The following BFSP1 variants were observed in gnomAD, a reference collection of about 807,000 sequenced individuals.
BFSP1 encodes the protein filensin.
A neutral mutation model predicts 43.9 loss-of-function variants in BFSP1; 38 were observed. The ratio of observed to expected loss-of-function variants is 0.87; its 90% CI spans 0.67 to 1.14. The LOEUF (loss-of-function observed/expected upper bound fraction) is 1.14. Among genes scored for constraint, BFSP1 ranks in the 50% most tolerant of loss-of-function variants. BFSP1 has a pLI of 0.00. For missense variants in BFSP1, 850 were observed against 875.1 expected (o/e 0.97, Z 0.36); for synonymous variants, 352 against 354.8 (o/e 0.99, Z 0.09).
chr20:17,519,177 A>T (rs1433929879), intron 2 of BFSP1, among the ~76,000 whole-genome samples: 1 of 152,242 alleles, frequency 6.6e-6, no homozygotes, highest in African/African-American at 2.4e-5. Flanking sequence ...GACTGGAAAC[A>T]GGGCTTCAAG....
chr20:17,497,414 C>T (rs1224816694), intron 6 of BFSP1, among the ~76,000 whole-genome samples: 2 of 148,394 alleles, frequency 1.3e-5, no homozygotes, highest in Non-Finnish European at 3.0e-5. Context: ...AGTATGATAT[C>T]TCCAACTTAA....
chr20:17,528,300 G>A (rs957517026), intron 1 of BFSP1, among the ~76,000 whole-genome samples: 2 of 152,184 alleles, frequency 1.3e-5, no homozygotes, highest in African/African-American at 4.8e-5. Context: ...TTCATGATGG[G>A]CATATAACTC....
At chr20:17,528,936 C>A (rs942377611) in intron 1 of BFSP1, among the ~76,000 whole-genome samples, 2 of 152,190 alleles carry the variant, frequency 1.3e-5, no homozygotes, top group African/African-American at 4.8e-5. Context: ...CTGGAATGAC[C>A]AGTGGCACTC....
chr20:17,532,682 T>C (rs1410139319), upstream of BFSP1, among the ~76,000 whole-genome samples: 1 of 151,632 alleles, frequency 6.6e-6, no homozygotes, highest in African/African-American at 2.4e-5. Flanking sequence ...AATATATATA[T>C]ATAATTAATA....
chr20:17,503,027 T>A (rs1815607212), intron 5 of BFSP1, among the ~76,000 whole-genome samples: 1 of 152,168 alleles, frequency 6.6e-6, no homozygotes, highest in African/African-American at 2.4e-5. Context: ...CTATTCTCAC[T>A]TTTAATTTTT....
intron 1 of BFSP1, chr20:17,558,666 T>C: frequency 6.4e-7 from 1 of 1,550,838 alleles, no homozygotes; most frequent in Non-Finnish European, 8.7e-7. Context: ...ATCCAACACT[T>C]GCCGTTTATC....
intron 1 of BFSP1, among the ~76,000 whole-genome samples, chr20:17,553,317 G>A (rs976204906): frequency 9.2e-5 from 14 of 152,048 alleles, no homozygotes; most frequent in African/African-American, 3.4e-4. Flanking sequence ...AAACTATGAG[G>A]ATGAAATGCC....
intron 5 of BFSP1, among the ~76,000 whole-genome samples, chr20:17,502,341 C>A (rs976540036): frequency 6.6e-6 from 1 of 152,228 alleles, no homozygotes; most frequent in African/African-American, 2.4e-5. Flanking sequence ...GAACCTCCAT[C>A]TAATCCTGAG....
At chr20:17,497,529 C>T (rs997075023) in intron 6 of BFSP1, among the ~76,000 whole-genome samples, 5 of 140,526 alleles carry the variant, frequency 3.6e-5, no homozygotes, top group Non-Finnish European at 7.6e-5. Context: ...TATACACACA[C>T]GTATGTATAT....
chr20:17,510,836 C>T (rs553000889), intron 4 of BFSP1, among the ~76,000 whole-genome samples: 2 of 152,306 alleles, frequency 1.3e-5, no homozygotes, highest in Admixed American at 6.5e-5. Flanking sequence ...CTAGGTCATC[C>T]TTGCAAAAAG....
intron 6 of BFSP1, among the ~76,000 whole-genome samples, chr20:17,497,780 G>A (rs2033691172): frequency 1.3e-5 from 2 of 151,942 alleles, no homozygotes; most frequent in African/African-American, 4.8e-5. Flanking sequence ...GTATTCAGGA[G>A]TTCCTTGTTC....
chr20:17,505,599 G>A (rs1048110814), intron 5 of BFSP1, among the ~76,000 whole-genome samples: 6 of 152,236 alleles, frequency 3.9e-5, no homozygotes, highest in African/African-American at 1.4e-4. Context: ...CTCTAGCTTA[G>A]CTGCTACATT....
intron 1 of BFSP1, among the ~76,000 whole-genome samples, chr20:17,539,096 T>TTTC (rs74179117): frequency 0.059 from 7,889 of 134,800 alleles, 545 homozygotes; most frequent in East Asian, 0.1. Context: ...CATGAATATA[T>TTTC]TTCTTCTTCT....
chr20:17,521,742 G>A (rs1016793666), intron 2 of BFSP1, among the ~76,000 whole-genome samples: 1 of 152,206 alleles, frequency 6.6e-6, no homozygotes, highest in African/African-American at 2.4e-5. Flanking sequence ...TATCTGGGAG[G>A]TGATCCCAGG....
At chr20:17,547,564 C>T (rs1340417614) in intron 1 of BFSP1, among the ~76,000 whole-genome samples, 2 of 152,082 alleles carry the variant, frequency 1.3e-5, no homozygotes, top group African/African-American at 2.4e-5. Flanking sequence ...AATCAAATAG[C>T]ACCCAATGAT....
At chr20:17,509,511 G>T (rs771212424) in intron 4 of BFSP1, among the ~76,000 whole-genome samples, 4 of 152,154 alleles carry the variant, frequency 2.6e-5, no homozygotes, top group Admixed American at 1.3e-4. Context: ...AACCTCCTTG[G>T]GAGTGTGACA....
upstream of BFSP1, among the ~76,000 whole-genome samples, chr20:17,563,351 ACCCT>A (rs1167793501): frequency 2.5e-3 from 131 of 51,720 alleles, no homozygotes; most frequent in Middle Eastern, 0.011. Context: ...TCTGGAACCC[ACCCT>A]CCCTCCCTCC....
intron 6 of BFSP1, among the ~76,000 whole-genome samples, 194 bp downstream of exon 6, chr20:17,498,626 T>C (rs1236006495): frequency 6.6e-6 from 1 of 152,144 alleles, no homozygotes; most frequent in African/African-American, 2.4e-5. Flanking sequence ...TGCGGGAACT[T>C]CCTCCTCAGC....
At chr20:17,503,551 T>C (rs1401011539) in intron 5 of BFSP1, among the ~76,000 whole-genome samples, 2 of 152,148 alleles carry the variant, frequency 1.3e-5, no homozygotes, top group African/African-American at 2.4e-5. Context: ...GGAAGGGCTG[T>C]CATTATTTCC....
Sources: allele counts gnomAD v4.1 joint callset (sites outside exome capture counted in the v4.1 genomes callset), GRCh38; gene constraint gnomAD v4.1.1; transcripts MANE v1.5; gene names NCBI Gene and HGNC (gene_info 2026-07-23, HGNC 2026-07-21).